Variants in KIF21A observed in about 807,000 individuals in gnomAD.
KIF21A encodes kinesin-like protein KIF21A.
KIF21A carries 114 observed loss-of-function variants against 202.9 expected under a neutral mutation model. That is an observed-to-expected ratio of 0.56 (90% CI 0.48 to 0.66). The LOEUF is 0.66. Among genes scored for constraint, KIF21A ranks in the 30% least tolerant of loss-of-function variants. The pLI is 0.00. For missense variants in KIF21A, 1,677 were observed against 1,994.9 expected, an observed-to-expected ratio of 0.84 and a Z score of 3.04; for synonymous variants, 667 against 670.8, an observed-to-expected ratio of 0.99 and a Z score of 0.09.
At chr12:39,313,292 G>A (rs887408045) in intron 31 of KIF21A, among the ~76,000 whole-genome samples, 3 of 151,818 alleles carry the variant, frequency 2.0e-5, no homozygotes, top group African/African-American at 7.2e-5. Context: ...TCAACTTCTC[G>A]TTGAGTCTCA....
chr12:39,419,989 G>C (rs1444928949), intron 1 of KIF21A, among the ~76,000 whole-genome samples: 1 of 147,794 alleles, frequency 6.8e-6, no homozygotes, highest in African/African-American at 2.5e-5. Context: ...GGGAAAATCT[G>C]ATGTGTCCTC....
rs149129856 is a variant in KIF21A at position 39,332,078 on chromosome 12, T to C, written c.3051+136A>G. On this transcript the variant is annotated intron_variant, in intron 21 of 37. Transcript: ENST00000361418. ...TCTGAAAAGCAAGCAGGAAGTGGCA[T>C]ACATGTAAAACCTAAGCATTAGATT... The C allele has an allele frequency of 4.0e-4, 314 of 794,220 alleles. 1 individual carries two copies. In the African/African-American group the frequency reaches 4.8e-3, roughly 12 times the overall value. 49.2% of individuals were successfully genotyped at this position (794,220 alleles called of 1,614,324 possible).
At chr12:39,421,295 T>G (rs1238332904) in intron 1 of KIF21A, among the ~76,000 whole-genome samples, 1 of 152,232 alleles carries the variant, frequency 6.6e-6, no homozygotes. Flanking sequence ...CTCTATTATG[T>G]TCACACAACC....
rs562792331 is a variant in KIF21A at position 39,391,832 on chromosome 12, C to G, written c.45-21571G>C. On this transcript the variant is annotated intron_variant, in intron 1 of 37. Transcript: ENST00000361418. ...TCGGCTCACTGCAACCTCTGCCTCC[C>G]GGGTTCAAGCAATTTTCTGCCCCAG... Among the ~76,000 whole-genome samples, 6 of 152,058 alleles carry G rather than the reference C, an allele frequency of 3.9e-5. No homozygotes were observed. In the East Asian group the frequency reaches 9.7e-4, roughly 25 times the overall value.
rs564382470 is a variant in KIF21A, at chr12:39,378,391, A to T, written c.45-8130T>A. 5.3e-5 allele frequency among the ~76,000 whole-genome samples: 8 copies of T among 152,346 alleles called. No individual in the cohort carries two copies. In the South Asian group the frequency reaches 1.7e-3, roughly 32 times the overall value. On this transcript the variant is annotated intron_variant, in intron 1 of 37. Coordinates refer to ENST00000361418, the MANE Select transcript of KIF21A (RefSeq NM_001173464.2). ...TGGGCTGACAAAATAAAGAAAAAAA[A>T]TAGTCAAATTCTGGATTTTTATAAA...
At chr12:39,321,418 T>C (rs1196157032) in intron 27 of KIF21A, 1 of 152,206 alleles carries the variant, frequency 6.6e-6, no homozygotes, top group African/African-American at 2.4e-5. Context: ...ACAGACTAAA[T>C]ACCTAACACA....
chr12:39,430,510 G>A (rs1273644906), intron 1 of KIF21A, among the ~76,000 whole-genome samples: 2 of 151,264 alleles, frequency 1.3e-5, no homozygotes, highest in Non-Finnish European at 2.9e-5. Context: ...AGGTTGCAGT[G>A]AGCCAAGATG....
At chr12:39,305,082 T>C (rs1943323188) in intron 34 of KIF21A, 144 bp from the exon 35 acceptor site, 1 of 587,918 alleles carries the variant, frequency 1.7e-6, no homozygotes, top group Non-Finnish European at 3.1e-6. Flanking sequence ...GATGGGATCT[T>C]GGGCCGGGTG....
chr12:39,398,726 C>A (rs1951942283), intron 1 of KIF21A, among the ~76,000 whole-genome samples: 1 of 152,128 alleles, frequency 6.6e-6, no homozygotes, highest in South Asian at 2.1e-4. Flanking sequence ...CTAGGTAACA[C>A]TTTACCATAG....
rs899183697 is a variant in KIF21A at position 39,337,151 on chromosome 12, T to G, written c.2363A>C (p.Glu788Ala). The G allele has an allele frequency of 6.2e-7, 1 of 1,612,768 alleles. No homozygotes were observed. Among genetic ancestry groups the G allele is most frequent in the Non-Finnish European group, 8.5e-7 (1 of 1,179,574 alleles). The part of the protein sequence containing the change: ...KEEQEKARLT[E>A]SRRNREIAQL... The stretch of plus-strand genomic sequence containing the variant: ...AGCAATCTCTCTGTTTCTTCTAGAC[T>G]CAGTCAGTCTGGCTTTCTCTTGTTC... Residue 788 changes from glutamate (E) to alanine (A), a missense_variant, in exon 17 of 38, where the codon GAG becomes GCG. Glu to Ala is a moderately radical substitution (Grantham distance 107). Around this residue, in one of 3 missense-constraint regions of KIF21A, gnomAD observed 966 missense variants for 1,180.9 expected, o/e 0.82. Coordinates refer to ENST00000361418, the MANE Select transcript of KIF21A (RefSeq NM_001173464.2).
At chr12:39,344,029 A>G (rs1467504786) in intron 12 of KIF21A, among the ~76,000 whole-genome samples, 1 of 152,176 alleles carries the variant, frequency 6.6e-6, no homozygotes, top group Non-Finnish European at 1.5e-5. Flanking sequence ...GTACCAATAC[A>G]ACAGTCTTAA....
chr12:39,313,319 G>A (rs2137431512), intron 31 of KIF21A, among the ~76,000 whole-genome samples: 1 of 151,894 alleles, frequency 6.6e-6, no homozygotes, highest in Admixed American at 6.6e-5. Flanking sequence ...AATACATTAA[G>A]CAAATCATTA....
At chr12:39,389,465 A>T (rs17127096) in intron 1 of KIF21A, among the ~76,000 whole-genome samples, 15,653 of 152,230 alleles carry the variant, frequency 0.1, 1,863 homozygotes, top group African/African-American at 0.29. Context: ...TGAACTTGCC[A>T]GATGCCCTAA....
intron 1 of KIF21A, among the ~76,000 whole-genome samples, chr12:39,388,191 C>T (rs1042049803): frequency 4.6e-5 from 7 of 152,004 alleles, no homozygotes; most frequent in Non-Finnish European, 2.9e-5. Context: ...TGGCGGGGAC[C>T]GGAGGCAGTG....
rs1010863944 is a variant in KIF21A at position 39,331,025 on chromosome 12, C to T, written c.3154-114G>A. The T allele has an allele frequency of 7.8e-6, 8 of 1,026,956 alleles. No homozygotes were observed. The African/African-American group carries it at 7.9e-5, about 10-fold the overall frequency. 63.6% of individuals were successfully genotyped at this position (1,026,956 alleles called of 1,614,324 possible). ...ATGGGTTTTGACATCAGATAGACCT[C>T]GAGTCATCCCAGCTCCTCCAGTAAC... On this transcript the variant is annotated intron_variant, in intron 22 of 37. Coordinates refer to ENST00000361418, the MANE Select transcript of KIF21A (RefSeq NM_001173464.2).
In KIF21A at chr12:39,337,219, T is replaced by G. The variant is rs190278612; in HGVS notation, c.2311-16A>C. The G allele has an allele frequency of 3.2e-3, 4,589 of 1,449,162 alleles. 17 individuals carry two copies. Among genetic ancestry groups the G allele is most frequent in the Non-Finnish European group, 3.8e-3 (3,887 of 1,031,634 alleles). 89.8% of individuals were successfully genotyped at this position (1,449,162 alleles called of 1,614,324 possible). A position where few individuals can be genotyped will look rare whatever the true frequency, so the allele number is the denominator to read the frequency against. On this transcript the variant is annotated splice_polypyrimidine_tract_variant and intron_variant, in intron 16 of 37. Coordinates refer to ENST00000361418, the MANE Select transcript of KIF21A (RefSeq NM_001173464.2). ...TTAGGCGAACCTAACCAATTAGGTATAGACATCTATTGAAATTACTCTGTC... is the reference window on the plus strand; with the variant it reads ...TTAGGCGAACCTAACCAATTAGGTAGAGACATCTATTGAAATTACTCTGTC...
chr12:39,307,801 C>G, intron 33 of KIF21A, 72 bp from the exon 34 acceptor site: 1 of 1,350,574 alleles, frequency 7.4e-7, no homozygotes, highest in Non-Finnish European at 1.0e-6. Flanking sequence ...CCTTGAATTC[C>G]CAGGAAACTG....
At chr12:39,391,194 TTAGA>T (rs1282369358) in intron 1 of KIF21A, among the ~76,000 whole-genome samples, 1 of 152,214 alleles carries the variant, frequency 6.6e-6, no homozygotes, top group Non-Finnish European at 1.5e-5. Flanking sequence ...GTTCCTGAGC[TTAGA>T]TAGAGTTTCA....
intron 1 of KIF21A, among the ~76,000 whole-genome samples, chr12:39,402,636 T>C (rs1952251548): frequency 6.6e-6 from 1 of 152,212 alleles, no homozygotes; most frequent in Admixed American, 6.5e-5. Flanking sequence ...GTAACATACA[T>C]TATATCAAAC....
Sources: gnomAD v4.1 joint callset for allele counts (sites outside exome capture counted in the v4.1 genomes callset) on GRCh38, gnomAD v4.1.1 for gene constraint, gnomAD v4.1.1 regional missense constraint, MANE v1.5 for transcripts, NCBI Gene and HGNC (gene_info 2026-07-23, HGNC 2026-07-21) for gene names.